The following TMEM238 variants were observed in gnomAD, a reference collection of about 807,000 sequenced individuals.
TMEM238 encodes transmembrane protein 238.
For missense variants in TMEM238, 169 were observed against 206.8 expected (o/e 0.82, Z 1.12); for synonymous variants, 103 against 111.5 (o/e 0.92, Z 0.48).
rs2123264846 is a variant in TMEM238 at position 55,383,462 on chromosome 19, G to A, written c.*7+260C>T. 6.6e-6 allele frequency among the ~76,000 whole-genome samples: 1 copy of A among 152,256 alleles called. No individual in the cohort carries two copies. Among genetic ancestry groups the A allele is most frequent in the South Asian group, 2.1e-4 (1 of 4,826 alleles). On this transcript the variant is annotated intron_variant, in intron 1 of 1. Transcript: ENST00000444469. This position sits in a 1 kb window ranked among gnomAD's most constrained non-coding sequence, Gnocchi z 4.9. ...AAGCTGGGGCTCTCCCCGTGCGGGGGGCCTAACTGTGTGACTCGACCCCCA... is the reference window on the plus strand; with the variant it reads ...AAGCTGGGGCTCTCCCCGTGCGGGGAGCCTAACTGTGTGACTCGACCCCCA...
chr19:55,380,017 C>T (rs1165459285), intron 1 of TMEM238, among the ~76,000 whole-genome samples: 1 of 151,744 alleles, frequency 6.6e-6, no homozygotes, highest in Non-Finnish European at 1.5e-5. Context: ...TCATGGTGGT[C>T]TCGGAGGTTG....
intron 1 of TMEM238, among the ~76,000 whole-genome samples, chr19:55,381,175 T>C (rs1450344156): frequency 1.3e-5 from 2 of 151,962 alleles, no homozygotes; most frequent in Non-Finnish European, 2.9e-5. Flanking sequence ...TCCCAGCACT[T>C]TGGGTGGCCG....
intron 1 of TMEM238, among the ~76,000 whole-genome samples, chr19:55,382,557 G>A (rs2089890679): frequency 6.6e-6 from 1 of 152,130 alleles, no homozygotes; most frequent in Non-Finnish European, 1.5e-5. Flanking sequence ...GACAGCCAAG[G>A]GCACTCCTGG....
chr19:55,383,444 G>A lies in TMEM238; in HGVS notation c.*7+278C>T, dbSNP rs2089893676. Among the ~76,000 whole-genome samples, 1 of 152,118 alleles carries A rather than the reference G, an allele frequency of 6.6e-6. No individual in the cohort carries two copies. The highest frequency in any genetic ancestry group is 1.5e-5 in the Non-Finnish European group (1 of 68,020). The stretch of plus-strand genomic sequence containing the variant: ...GGGGCCTGGTGTACCTGGAAGCTGG[G>A]GCTCTCCCCGTGCGGGGGGCCTAAC... On this transcript the variant is annotated intron_variant, in intron 1 of 1. Coordinates refer to ENST00000444469, the MANE Select transcript of TMEM238 (RefSeq NM_001190764.2). This position sits in a 1 kb window ranked among gnomAD's most constrained non-coding sequence, Gnocchi z 4.9.
rs2089895538 is a variant in TMEM238 at position 55,383,770 on chromosome 19, G to A, written c.490C>T (p.Leu164Phe). ...CCCGCCGCCCCGGGCCCGGCCTCGA[G>A]CGTGGCGAGCTGCAGGCGCACGCGG... ...SRRVRLQLAT[L>F]EAGPGAAGAG... The change falls in exon 1 of 2, where the codon CTC (leucine) becomes TTC (phenylalanine). Residue 164 changes from leucine (L) to phenylalanine (F), a missense_variant. Leu to Phe is a conservative substitution (Grantham distance 22). Transcript: ENST00000444469. The surrounding 1 kb of genome is among the most constrained non-coding windows in gnomAD (Gnocchi z 4.9). 5 of 278,710 alleles carry A rather than the reference G, an allele frequency of 1.8e-5. No individual in the cohort carries two copies. In the East Asian group the frequency reaches 3.2e-4, roughly 18 times the overall value. 17.3% of individuals were successfully genotyped at this position (278,710 alleles called of 1,614,324 possible).
chr19:55,382,822 T>G (rs575109643), intron 1 of TMEM238, among the ~76,000 whole-genome samples: 2 of 152,204 alleles, frequency 1.3e-5, no homozygotes, highest in Admixed American at 6.5e-5. Context: ...TCATTTCTCC[T>G]GCTGTTGGTC....
chr19:55,381,582 T>C (rs1014362417), intron 1 of TMEM238, among the ~76,000 whole-genome samples: 3 of 152,158 alleles, frequency 2.0e-5, no homozygotes, highest in African/African-American at 4.8e-5. Flanking sequence ...TGTGTACTTA[T>C]CATTCAGCCC....
chr19:55,381,581 A>C (rs2089887216), intron 1 of TMEM238, among the ~76,000 whole-genome samples: 1 of 152,132 alleles, frequency 6.6e-6, no homozygotes, highest in South Asian at 2.1e-4. Flanking sequence ...CTGTGTACTT[A>C]TCATTCAGCC....
Position 55,383,970 on chromosome 19 carries a change from G to C in TMEM238, c.290C>G (p.Ser97Trp), listed in dbSNP as rs750247605. Residue 97 changes from serine to tryptophan, a missense_variant, in exon 1 of 2, where the codon TCG (serine) becomes TGG (tryptophan). By Grantham distance (177) the Ser-to-Trp change is radical (BLOSUM62 -3). Transcript: ENST00000444469. This position sits in a 1 kb window ranked among gnomAD's most constrained non-coding sequence, Gnocchi z 4.9. Reference sequence around the variant, plus strand: ...GTAGTCGCGCTCCAGCTCCTGGCGCGAGATCTCGATGTTGCCGGTGTACCA... The same window carrying C: ...GTAGTCGCGCTCCAGCTCCTGGCGCCAGATCTCGATGTTGCCGGTGTACCA... ...ILWYTGNIEISRQELERDYGL... is the reference protein window; with the variant it reads ...ILWYTGNIEIWRQELERDYGL... 7.1e-7 allele frequency: 1 copy of C among 1,405,884 alleles called. No homozygotes were observed. Among genetic ancestry groups the C allele is most frequent in the South Asian group, 1.4e-5 (1 of 73,014 alleles). 87.1% of individuals were successfully genotyped at this position (1,405,884 alleles called of 1,614,324 possible).
At position 55,383,593 on chromosome 19, in the gene TMEM238, C is replaced by T. The variant is rs1181735119; in HGVS notation, c.*7+129G>A. ...AGAGCCTTCCCGTCCCTGTCTCCAC[C>T]CCGCCCTGGGACTCTACCTCCCCAT... On this transcript the variant is annotated intron_variant, in intron 1 of 1. Transcript: ENST00000444469. The surrounding 1 kb of genome is among the most constrained non-coding windows in gnomAD (Gnocchi z 4.9). 6.3e-6 allele frequency: 1 copy of T among 158,420 alleles called. No individual in the cohort carries two copies. The highest frequency in any genetic ancestry group is 1.4e-5 in the Non-Finnish European group (1 of 72,434). 9.8% of individuals were successfully genotyped at this position (158,420 alleles called of 1,614,324 possible).
At chr19:55,381,970 C>T (rs1023557673) in intron 1 of TMEM238, among the ~76,000 whole-genome samples, 2 of 152,088 alleles carry the variant, frequency 1.3e-5, no homozygotes, top group South Asian at 2.1e-4. Context: ...CCCATCCATC[C>T]GTCAATCCAA....
rs144893635 is a variant in TMEM238 at position 55,381,246 on chromosome 19, C to G, written c.*8-1879G>C. Among the ~76,000 whole-genome samples the G allele has an allele frequency of 6.7e-3, 1,015 of 151,626 alleles. 12 individuals are homozygous for G. Among genetic ancestry groups the G allele is most frequent in the African/African-American group, 0.024 (989 of 41,310 alleles). On this transcript the variant is annotated intron_variant, in intron 1 of 1. Transcript: ENST00000444469. ...CCAGCCTGACCAACATGGAGAAACCCCGTCTCTACTAAAAATACAAAATTA... is the reference window on the plus strand; with the variant it reads ...CCAGCCTGACCAACATGGAGAAACCGCGTCTCTACTAAAAATACAAAATTA...
rs1479795473 is a variant in TMEM238 at position 55,384,038 on chromosome 19, C to A, written c.222G>T (p.Ser74=). 1.3e-6 allele frequency: 2 copies of A among 1,484,186 alleles called. No individual in the cohort carries two copies. The highest frequency in any genetic ancestry group is 4.2e-5 in the Admixed American group (2 of 47,898). 91.9% of individuals were successfully genotyped at this position (1,484,186 alleles called of 1,614,324 possible). Residue 74 remains serine (S), a synonymous_variant, in exon 1 of 2, where the codon TCG becomes TCT. Transcript: ENST00000444469. The surrounding 1 kb of genome is among the most constrained non-coding windows in gnomAD (Gnocchi z 5.6). Reference sequence around the variant, plus strand: ...GGCTCAGGAACACCAGCAGCGCGCCCGAGTAGATGAGCAGGTCCCCGAAGT... The same window carrying A: ...GGCTCAGGAACACCAGCAGCGCGCCAGAGTAGATGAGCAGGTCCCCGAAGT... ...GRDFGDLLIY[S]GALLVFLSLL...
In TMEM238 at chr19:55,383,500, C is replaced by T. The variant is rs1217766453; in HGVS notation, c.*7+222G>A. ...GACTCGACCCCCACACTTCCCATCT[C>T]CAGGGGCAGGGTCTCACAGCCTCCC... On this transcript the variant is annotated intron_variant, in intron 1 of 1. Coordinates refer to ENST00000444469, the MANE Select transcript of TMEM238 (RefSeq NM_001190764.2). This position sits in a 1 kb window ranked among gnomAD's most constrained non-coding sequence, Gnocchi z 4.9. Among the ~76,000 whole-genome samples the T allele has an allele frequency of 6.6e-6, 1 of 152,204 alleles. No individual in the cohort carries two copies. Among genetic ancestry groups the T allele is most frequent in the Non-Finnish European group, 1.5e-5 (1 of 68,028 alleles).
Position 55,383,338 on chromosome 19 carries a change from T to C in TMEM238, c.*7+384A>G, listed in dbSNP as rs2123264733. ...CTGCTGTGAGCTGAGATCACGCCACTGCACTCCAGCCTGGGTGACAGTGAG... is the reference window on the plus strand; with the variant it reads ...CTGCTGTGAGCTGAGATCACGCCACCGCACTCCAGCCTGGGTGACAGTGAG... On this transcript the variant is annotated intron_variant, in intron 1 of 1. Transcript: ENST00000444469. This position sits in a 1 kb window ranked among gnomAD's most constrained non-coding sequence, Gnocchi z 4.9. Among the ~76,000 whole-genome samples, 1 of 152,248 alleles carries C rather than the reference T, an allele frequency of 6.6e-6. No individual in the cohort carries two copies. The highest frequency in any genetic ancestry group is 1.9e-4 in the East Asian group (1 of 5,180).
At position 55,384,055 on chromosome 19, in the gene TMEM238, C is replaced by A; in HGVS notation, c.205G>T (p.Asp69Tyr). ...QLQVRGRDFG[D>Y]LLIYSGALLV... Reference sequence around the variant, plus strand: ...AGCGCGCCCGAGTAGATGAGCAGGTCCCCGAAGTCGCGGCCGCGCACCTGC... The same window carrying A: ...AGCGCGCCCGAGTAGATGAGCAGGTACCCGAAGTCGCGGCCGCGCACCTGC... Residue 69 changes from aspartate to tyrosine, a missense_variant, in exon 1 of 2, where the codon GAC (aspartate) becomes TAC (tyrosine). Asp to Tyr is a radical substitution (Grantham distance 160, BLOSUM62 -3). Transcript: ENST00000444469. The surrounding 1 kb of genome is among the most constrained non-coding windows in gnomAD (Gnocchi z 5.6). 6.7e-7 allele frequency: 1 copy of A among 1,482,656 alleles called. No homozygotes were observed. The highest frequency in any genetic ancestry group is 9.0e-7 in the Non-Finnish European group (1 of 1,114,554). 91.8% of individuals were successfully genotyped at this position (1,482,656 alleles called of 1,614,324 possible). A position where few individuals can be genotyped will look rare whatever the true frequency, so the allele number is the denominator to read the frequency against.
chr19:55,382,054 T>A (rs747832691), intron 1 of TMEM238, among the ~76,000 whole-genome samples: 7 of 150,174 alleles, frequency 4.7e-5, no homozygotes, highest in Non-Finnish European at 1.0e-4. Context: ...CACCCGTCCA[T>A]CCACCCATCC....
At chr19:55,382,142 C>T (rs544767839) in intron 1 of TMEM238, among the ~76,000 whole-genome samples, 7 of 151,664 alleles carry the variant, frequency 4.6e-5, no homozygotes, top group East Asian at 1.9e-4. Context: ...CATCCATCCA[C>T]GCACCCATCG....
At chr19:55,380,775 T>TC (rs149434216) in intron 1 of TMEM238, among the ~76,000 whole-genome samples, 1,708 of 151,214 alleles carry the variant, frequency 0.011, 36 homozygotes, top group African/African-American at 0.039. Context: ...TCTCACTCTG[T>TC]CACTCAGGCT....
Sources: allele counts gnomAD v4.1 joint callset (sites outside exome capture counted in the v4.1 genomes callset), GRCh38; gene constraint gnomAD v4.1.1; non-coding constraint Gnocchi (gnomAD v3.1); transcripts MANE v1.5; gene names NCBI Gene and HGNC (gene_info 2026-07-23, HGNC 2026-07-21).